The following MGAT4C variants were observed in gnomAD, a reference collection of about 807,000 sequenced individuals.
MGAT4C encodes MGAT4 family member C, also known as alpha-1,3-mannosyl-glycoprotein 4-beta-N-acetylglucosaminyltransferase C.
MGAT4C carries 19 observed loss-of-function variants against 40.1 expected under a neutral mutation model. The ratio of observed to expected loss-of-function variants is 0.47; its 90% confidence interval spans 0.33 to 0.70. The LOEUF is 0.70. Ranked by LOEUF, MGAT4C falls within the 30% of genes least tolerant of loss-of-function variation. The pLI is 0.02. For missense variants in MGAT4C, 491 were observed against 563.2 expected, an observed-to-expected ratio of 0.87 and a Z score of 1.30; for synonymous variants, 181 against 187.1, an observed-to-expected ratio of 0.97 and a Z score of 0.27.
chr12:86,539,415 A>G (rs1443043644), intron 2 of MGAT4C, among the ~76,000 whole-genome samples: 1 of 152,132 alleles, frequency 6.6e-6, no homozygotes, highest in East Asian at 1.9e-4. Flanking sequence ...TCTTAATCCA[A>G]TCTATCATTG....
At chr12:86,706,891 G>A (rs534290273) in intron 2 of MGAT4C, among the ~76,000 whole-genome samples, 2 of 152,146 alleles carry the variant, frequency 1.3e-5, no homozygotes, top group South Asian at 4.1e-4. Flanking sequence ...ATGGGGGCAG[G>A]TCTTTCCCAT....
intron 1 of MGAT4C, among the ~76,000 whole-genome samples, chr12:86,799,580 A>G (rs1439673938): frequency 6.6e-6 from 1 of 151,922 alleles, no homozygotes; most frequent in African/African-American, 2.4e-5. Flanking sequence ...GGAATTTGTC[A>G]GAAGAGAGAA....
At chr12:86,075,730 C>A (rs1869556238) in intron 1 of MGAT4C, among the ~76,000 whole-genome samples, 1 of 152,218 alleles carries the variant, frequency 6.6e-6, no homozygotes, top group Non-Finnish European at 1.5e-5. Flanking sequence ...AGGCTCAGCA[C>A]CACGTGCAGG....
chr12:86,444,343 T>C (rs1401380633), intron 2 of MGAT4C, among the ~76,000 whole-genome samples: 2 of 152,168 alleles, frequency 1.3e-5, no homozygotes, highest in African/African-American at 4.8e-5. Flanking sequence ...GTTTGGAGTA[T>C]TTCTTGACTG....
chr12:86,838,289 T>C (rs980005887), intron 1 of MGAT4C, among the ~76,000 whole-genome samples: 1 of 152,184 alleles, frequency 6.6e-6, no homozygotes, highest in Admixed American at 6.6e-5. Flanking sequence ...TAAAATACTA[T>C]GATTGTTTTA....
chr12:86,098,996 G>A (rs2135591318), intron 1 of MGAT4C, among the ~76,000 whole-genome samples: 1 of 151,514 alleles, frequency 6.6e-6, no homozygotes, highest in South Asian at 2.1e-4. Flanking sequence ...AGTTAGAAGA[G>A]AATAGTTAGG....
chr12:86,439,849 C>T lies in MGAT4C; in HGVS notation c.-228-4584G>A, dbSNP rs552754109. The stretch of plus-strand genomic sequence containing the variant: ...TCCTTCAAGACCATTATAAACACCT[C>T]TATACATACAAACTAGAAAGTCCAG... On this transcript the variant is annotated intron_variant, in intron 2 of 7. Transcript: ENST00000548651. Among the ~76,000 whole-genome samples, 48 of 151,012 alleles carry T rather than the reference C, an allele frequency of 3.2e-4. 1 individual carries two copies. The South Asian group carries it at 9.9e-3, about 31-fold the overall frequency.
chr12:86,016,326 T>C (rs1288173334), intron 2 of MGAT4C: 2 of 152,240 alleles, frequency 1.3e-5, no homozygotes, highest in African/African-American at 4.8e-5. Flanking sequence ...CAAATATCTA[T>C]ATGGAACCAG....
chr12:86,492,201 T>C (rs1049963891), intron 2 of MGAT4C, among the ~76,000 whole-genome samples: 5 of 152,110 alleles, frequency 3.3e-5, no homozygotes, highest in Admixed American at 1.3e-4. Flanking sequence ...GAATCAATAT[T>C]GTGAAAATGG....
chr12:86,566,529 T>A, intron 2 of MGAT4C, among the ~76,000 whole-genome samples: 1 of 49,086 alleles, frequency 2.0e-5, no homozygotes. Context: ...TAAACTCATA[T>A]ACATATATAT....
At chr12:86,318,648 T>G (rs1357746402) in intron 4 of MGAT4C, among the ~76,000 whole-genome samples, 1 of 152,190 alleles carries the variant, frequency 6.6e-6, no homozygotes, top group East Asian at 1.9e-4. Context: ...AAAAAAGTCC[T>G]GACTATATTA....
intron 2 of MGAT4C, among the ~76,000 whole-genome samples, chr12:86,490,935 G>T (rs1342656421): frequency 1.3e-5 from 2 of 152,138 alleles, no homozygotes; most frequent in Non-Finnish European, 2.9e-5. Flanking sequence ...GACCTACAAA[G>T]AGACTTAGAC....
chr12:86,451,561 G>A (rs1222400207), intron 2 of MGAT4C, among the ~76,000 whole-genome samples: 2 of 152,022 alleles, frequency 1.3e-5, no homozygotes, highest in African/African-American at 2.4e-5. Flanking sequence ...GATTCTTGTA[G>A]CTTCTTCAAT....
chr12:86,464,716 AG>A (rs1160548304), intron 2 of MGAT4C, among the ~76,000 whole-genome samples: 2 of 152,126 alleles, frequency 1.3e-5, no homozygotes, highest in Admixed American at 6.5e-5. Flanking sequence ...TTACAAAGGG[AG>A]TCTAGTCTAT....
chr12:86,147,873 G>T (rs1014090962), intron 1 of MGAT4C, among the ~76,000 whole-genome samples: 4 of 152,160 alleles, frequency 2.6e-5, no homozygotes, highest in African/African-American at 4.8e-5. Flanking sequence ...TATTTGGACA[G>T]CATAGAAGCA....
rs530398039 is a variant in MGAT4C at position 86,779,794 on chromosome 12, T to G, written c.-261-52553A>C. ...CGGGCGTGGTGGCGGGCGCCTGTAG[T>G]CCCAGCTACTCAGGAGGCTGAGGCA... On this transcript the variant is annotated intron_variant, in intron 1 of 7. Transcript: ENST00000548651. Among the ~76,000 whole-genome samples the G allele has an allele frequency of 3.4e-3, 517 of 152,012 alleles. 6 individuals are homozygous for G. Among genetic ancestry groups the G allele is most frequent in the African/African-American group, 0.012 (500 of 41,490 alleles).
At chr12:86,246,178 G>A (rs1952016077) in intron 1 of MGAT4C, among the ~76,000 whole-genome samples, 2 of 104,798 alleles carry the variant, frequency 1.9e-5, no homozygotes, top group Admixed American at 2.4e-4. Flanking sequence ...GTGTACCATT[G>A]CTTTTTTTTT....
intron 1 of MGAT4C, among the ~76,000 whole-genome samples, chr12:86,171,861 T>C (rs1886889584): frequency 6.6e-6 from 1 of 152,166 alleles, no homozygotes; most frequent in African/African-American, 2.4e-5. Context: ...AGAATTTATT[T>C]TATCCACAAT....
At chr12:86,447,864 T>C (rs1957365748) in intron 2 of MGAT4C, among the ~76,000 whole-genome samples, 1 of 152,166 alleles carries the variant, frequency 6.6e-6, no homozygotes, top group Non-Finnish European at 1.5e-5. Flanking sequence ...CCATATACTG[T>C]GTAACATTCC....
Sources: allele counts gnomAD v4.1 joint callset (sites outside exome capture counted in the v4.1 genomes callset), GRCh38; gene constraint gnomAD v4.1.1; transcripts MANE v1.5; gene names NCBI Gene and HGNC (gene_info 2026-07-23, HGNC 2026-07-21).